The following TIA1 variants were observed in gnomAD, a reference collection of about 807,000 sequenced individuals.
The protein encoded by TIA1 is TIA1 cytotoxic granule associated RNA binding protein.
In TIA1, 23 loss-of-function variants were observed where a neutral mutation model predicts 65.9. The ratio of observed to expected loss-of-function variants is 0.35; its 90% CI spans 0.25 to 0.49. TIA1 has a LOEUF of 0.49. Ranked by LOEUF, TIA1 falls within the 20% of genes least tolerant of loss-of-function variation. The pLI, the probability that TIA1 is intolerant of heterozygous loss-of-function variation, is 0.98. For missense variants in TIA1, 371 were observed against 477.9 expected (o/e 0.78, Z 2.09); for synonymous variants, 147 against 149.4 (o/e 0.98, Z 0.12).
At position 70,235,831 on chromosome 2, in the gene TIA1, G is replaced by C. The variant is rs568722999; in HGVS notation, c.123+248C>G. On this transcript the variant is annotated intron_variant, in intron 2 of 12. Transcript: ENST00000433529. ...TTCCCATCTGATCTAGAAATAACTA[G>C]TTCTATTGTCATCTTCCATCATGTA... 6.6e-5 allele frequency among the ~76,000 whole-genome samples: 10 copies of C among 152,106 alleles called. No individual in the cohort carries two copies. In the East Asian group the frequency reaches 1.9e-3, roughly 29 times the overall value.
chr2:70,230,377 G>A (rs978186728), intron 3 of TIA1, among the ~76,000 whole-genome samples: 2 of 151,654 alleles, frequency 1.3e-5, no homozygotes, highest in African/African-American at 2.4e-5. Flanking sequence ...TCAGCCAGGC[G>A]CGGTGGCTCA....
At chr2:70,221,754 G>A (rs1170478036) in intron 7 of TIA1, among the ~76,000 whole-genome samples, 1 of 151,930 alleles carries the variant, frequency 6.6e-6, no homozygotes, top group African/African-American at 2.4e-5. Flanking sequence ...GCACAATTCT[G>A]TGAATTACCT....
At chr2:70,248,149 C>T (rs1378232028) in intron 1 of TIA1, among the ~76,000 whole-genome samples, 2 of 152,162 alleles carry the variant, frequency 1.3e-5, no homozygotes, top group East Asian at 3.8e-4. Context: ...CCACAGAGGG[C>T]CCGTGGCGAG....
chr2:70,233,147 T>G (rs1687263558), intron 2 of TIA1, among the ~76,000 whole-genome samples: 1 of 152,186 alleles, frequency 6.6e-6, no homozygotes, highest in Non-Finnish European at 1.5e-5. Context: ...TTAATTAATT[T>G]TTTTTTAGAG....
At chr2:70,222,931 A>G (rs751029121) in intron 7 of TIA1, among the ~76,000 whole-genome samples, 2 of 151,600 alleles carry the variant, frequency 1.3e-5, no homozygotes. Context: ...AAATTATATT[A>G]TTTACTCAAA....
intron 1 of TIA1, among the ~76,000 whole-genome samples, chr2:70,245,720 T>C (rs550657788): frequency 1.6e-4 from 24 of 152,322 alleles, no homozygotes; most frequent in African/African-American, 5.5e-4. Flanking sequence ...TCTCAGAATA[T>C]GATTCCAAAG....
In TIA1 at chr2:70,212,433, A is replaced by G. The variant is rs569946456; in HGVS notation, c.*286T>C. 13 of 276,304 alleles carry G rather than the reference A, an allele frequency of 4.7e-5. No individual in the cohort carries two copies. Among genetic ancestry groups the G allele is most frequent in the Admixed American group, 3.6e-4 (8 of 22,358 alleles). 17.1% of individuals were successfully genotyped at this position (276,304 alleles called of 1,614,324 possible). A position where few individuals can be genotyped will look rare whatever the true frequency, so the allele number is the denominator to read the frequency against. On this transcript the variant is annotated 3_prime_UTR_variant, in exon 13 of 13. Transcript: ENST00000433529. Reference sequence around the variant, plus strand: ...ATATTGTGCAATTTTCTGCCTCTTAATAGTTAAAAAGTGGCAGCAATCCCT... The same window carrying G: ...ATATTGTGCAATTTTCTGCCTCTTAGTAGTTAAAAAGTGGCAGCAATCCCT...
chr2:70,230,652 C>CAAAAA (rs5832003), intron 3 of TIA1, 104 bp downstream of exon 3: 81 of 680,964 alleles, frequency 1.2e-4, no homozygotes, highest in East Asian at 5.0e-4. Context: ...AATTTCATCT[C>CAAAAA]AAAAAAAAAA....
At chr2:70,223,246 G>A (rs1682301496) in intron 7 of TIA1, among the ~76,000 whole-genome samples, 2 of 151,930 alleles carry the variant, frequency 1.3e-5, no homozygotes, top group African/African-American at 4.8e-5. Flanking sequence ...ATTATAGAAG[G>A]TATTTTTCTA....
intron 2 of TIA1, among the ~76,000 whole-genome samples, chr2:70,232,586 T>C (rs1686976954): frequency 7.0e-6 from 1 of 143,574 alleles, no homozygotes; most frequent in Non-Finnish European, 1.5e-5. Flanking sequence ...TATCTTCCCT[T>C]GGCCGGGCAC....
intron 6 of TIA1, among the ~76,000 whole-genome samples, chr2:70,225,961 A>C (rs1354465706): frequency 6.6e-6 from 1 of 152,190 alleles, no homozygotes; most frequent in Non-Finnish European, 1.5e-5. Context: ...TTTTTAGAGA[A>C]TATCATGAGA....
At chr2:70,245,105 G>C (rs1558979253) in intron 1 of TIA1, among the ~76,000 whole-genome samples, 1 of 152,078 alleles carries the variant, frequency 6.6e-6, no homozygotes, top group African/African-American at 2.4e-5. Flanking sequence ...TGAGCCTCCG[G>C]AGTCCCGAGT....
rs748157704 is a variant in TIA1, at chr2:70,212,745, G to C, written c.1135C>G (p.Arg379Gly). The change falls in exon 13 of 13, where the codon CGA (arginine) becomes GGA (glycine). Residue 379 changes from arginine to glycine, a missense_variant. Coordinates refer to ENST00000433529, the MANE Select transcript of TIA1 (RefSeq NM_022173.4). ...SMLPNQPSGY[R>G]VAGYETQ ...CACTGGGTTTCATACCCTGCCACTC[G>C]ATACCCAGAAGGCTGATTGGGCAAC... The C allele has an allele frequency of 2.5e-6, 4 of 1,613,872 alleles. No individual in the cohort carries two copies. The South Asian group carries it at 4.4e-5, about 18-fold the overall frequency.
At chr2:70,241,039 A>G (rs1407669981) in intron 1 of TIA1, among the ~76,000 whole-genome samples, 2 of 152,236 alleles carry the variant, frequency 1.3e-5, no homozygotes, top group African/African-American at 4.8e-5. Context: ...CACCACAGTA[A>G]TAATTTCTAA....
chr2:70,210,324 T>A lies in TIA1; in HGVS notation c.*2395A>T, dbSNP rs1007884398. On this transcript the variant is annotated 3_prime_UTR_variant, in exon 13 of 13. Coordinates refer to ENST00000433529, the MANE Select transcript of TIA1 (RefSeq NM_022173.4). ...ACAGTACCAGAAAGTAAAATCTAAA[T>A]TTTGCATATTGCAGAGAATGAAACC... 1 of 152,198 alleles carries A rather than the reference T, an allele frequency of 6.6e-6. No homozygotes were observed. 9.4% of individuals were successfully genotyped at this position (152,198 alleles called of 1,614,324 possible).
intron 1 of TIA1, among the ~76,000 whole-genome samples, chr2:70,244,376 T>C (rs1018998071): frequency 1.3e-5 from 2 of 152,196 alleles, no homozygotes; most frequent in African/African-American, 4.8e-5. Flanking sequence ...AAAAGGCCTA[T>C]TATATGTACT....
At chr2:70,223,634 G>A (rs987569612) in intron 7 of TIA1, among the ~76,000 whole-genome samples, 1 of 151,274 alleles carries the variant, frequency 6.6e-6, no homozygotes, top group East Asian at 1.9e-4. Flanking sequence ...GGTTGGTCTT[G>A]AACTCCTGAC....
At chr2:70,227,846 G>A (rs528707800) in intron 5 of TIA1, 24 bp from the exon 6 acceptor site, 2 of 1,508,150 alleles carry the variant, frequency 1.3e-6, no homozygotes, top group South Asian at 2.4e-5. Context: ...GGAAGGGGAA[G>A]TGAAAAGAAA....
intron 1 of TIA1, among the ~76,000 whole-genome samples, chr2:70,248,072 G>C (rs1425258298): frequency 6.6e-6 from 1 of 152,136 alleles, no homozygotes; most frequent in Admixed American, 6.5e-5. Context: ...GAAAGCATAG[G>C]ACAAAAGGAA....
Sources: gnomAD v4.1 joint callset for allele counts (sites outside exome capture counted in the v4.1 genomes callset) on GRCh38, gnomAD v4.1.1 for gene constraint, MANE v1.5 for transcripts, NCBI Gene and HGNC (gene_info 2026-07-23, HGNC 2026-07-21) for gene names.